Variants in UGT2B7 observed in about 807,000 individuals in gnomAD.
The protein encoded by UGT2B7 is UDP-glucuronosyltransferase 2B7.
UGT2B7 carries 51 observed loss-of-function variants against 51.9 expected under a neutral mutation model. That is an observed-to-expected ratio of 0.98 (90% confidence interval 0.78 to 1.24). The LOEUF is 1.24. Among genes scored for constraint, UGT2B7 ranks in the 50% most tolerant of loss-of-function variants. The pLI is 0.00. For synonymous variants in UGT2B7, 225 were observed against 211.6 expected (o/e 1.06, Z -0.55); for missense variants, 727 against 628.4 (o/e 1.16, Z -1.68).
intron 2 of UGT2B7, among the ~76,000 whole-genome samples, chr4:69,091,394 T>G (rs13119508): frequency 1.0e-4 from 15 of 145,502 alleles, no homozygotes; most frequent in African/African-American, 3.7e-4. Flanking sequence ...ACTTTAAAGA[T>G]TTTGTTTTTT....
chr4:69,108,537 T>C (rs1445205338), intron 5 of UGT2B7, among the ~76,000 whole-genome samples: 1 of 152,080 alleles, frequency 6.6e-6, no homozygotes, highest in Non-Finnish European at 1.5e-5. Context: ...AACAATTTTC[T>C]ACACAAAAAT....
intron 1 of UGT2B7, among the ~76,000 whole-genome samples, chr4:69,078,006 CA>C (rs1287330366): frequency 6.6e-6 from 1 of 152,090 alleles, no homozygotes; most frequent in Non-Finnish European, 1.5e-5. Flanking sequence ...TGAATTTTGT[CA>C]ATGGCCCTTT....
upstream of UGT2B7, among the ~76,000 whole-genome samples, chr4:69,093,280 T>C (rs1719129392): frequency 6.6e-6 from 1 of 152,206 alleles, no homozygotes; most frequent in Non-Finnish European, 1.5e-5. Flanking sequence ...TCCTTCCTTC[T>C]GTGGTCGATT....
At chr4:69,068,890 A>G (rs1296244429) in intron 1 of UGT2B7, among the ~76,000 whole-genome samples, 9 of 152,096 alleles carry the variant, frequency 5.9e-5, no homozygotes, top group Non-Finnish European at 1.0e-4. Context: ...ACAATGCCTC[A>G]AAGTAAAATA....
At chr4:69,094,369 C>G (rs1195301317), upstream of UGT2B7, among the ~76,000 whole-genome samples, 1 of 30,412 alleles carries the variant, frequency 3.3e-5, no homozygotes, top group Non-Finnish European at 5.0e-5. Flanking sequence ...AGGATGGTCT[C>G]GATCTCCTGA....
chr4:69,078,035 A>G (rs1718753279), intron 1 of UGT2B7, among the ~76,000 whole-genome samples: 2 of 151,968 alleles, frequency 1.3e-5, no homozygotes, highest in Admixed American at 6.6e-5. Flanking sequence ...TATTGAGACA[A>G]TCATGTTTTT....
At chr4:69,106,477 A>G (rs762130028) in intron 3 of UGT2B7, among the ~76,000 whole-genome samples, 1 of 152,128 alleles carries the variant, frequency 6.6e-6, no homozygotes, top group Non-Finnish European at 1.5e-5. Context: ...TATATGTACC[A>G]TATTTTCTCT....
At chr4:69,082,774 A>G (rs930014405) in intron 1 of UGT2B7, among the ~76,000 whole-genome samples, 3 of 152,160 alleles carry the variant, frequency 2.0e-5, no homozygotes, top group African/African-American at 7.2e-5. Flanking sequence ...AAGATCATTG[A>G]TGATGGTGAT....
At chr4:69,060,435 G>A (rs890849553) in intron 1 of UGT2B7, among the ~76,000 whole-genome samples, 8 of 152,150 alleles carry the variant, frequency 5.3e-5, no homozygotes, top group African/African-American at 1.9e-4. Flanking sequence ...GCCACAAAGA[G>A]GGGAAAAAGG....
intron 1 of UGT2B7, among the ~76,000 whole-genome samples, chr4:69,062,530 T>A (rs1718370689): frequency 6.6e-6 from 1 of 152,164 alleles, no homozygotes; most frequent in Non-Finnish European, 1.5e-5. Flanking sequence ...TCTTGTCCAC[T>A]CCCACTGTTG....
At chr4:69,051,415 TGTGGA>T (rs1169127916) in exon 1 of UGT2B7, 1 of 152,228 alleles carries the variant, frequency 6.6e-6, no homozygotes, top group African/African-American at 2.4e-5. Context: ...AAGCCTGCCT[TGTGGA>T]GTGCCCCTGT....
At chr4:69,074,152 A>G (rs1243459989) in intron 1 of UGT2B7, among the ~76,000 whole-genome samples, 1 of 152,030 alleles carries the variant, frequency 6.6e-6, no homozygotes, top group African/African-American at 2.4e-5. Context: ...ATAAGCCTGG[A>G]TAACATAATG....
At chr4:69,109,786 T>A (rs1473176870) in intron 5 of UGT2B7, among the ~76,000 whole-genome samples, 1 of 152,080 alleles carries the variant, frequency 6.6e-6, no homozygotes, top group Non-Finnish European at 1.5e-5. Context: ...AAATTCCTTG[T>A]GGAGTCCAGC....
chr4:69,107,792 C>T (rs931589938), intron 4 of UGT2B7, among the ~76,000 whole-genome samples: 2 of 152,078 alleles, frequency 1.3e-5, no homozygotes, highest in Non-Finnish European at 2.9e-5. Flanking sequence ...TGTGACTGCA[C>T]TTAAAATAAG....
chr4:69,081,809 A>G (rs1472883219), intron 1 of UGT2B7, among the ~76,000 whole-genome samples: 1 of 152,086 alleles, frequency 6.6e-6, no homozygotes, highest in East Asian at 1.9e-4. Context: ...ACACATCATA[A>G]TATTCTTCAG....
intron 1 of UGT2B7, among the ~76,000 whole-genome samples, chr4:69,078,005 TC>T (rs1025429330): frequency 1.3e-5 from 2 of 152,224 alleles, no homozygotes; most frequent in African/African-American, 4.8e-5. Context: ...TTGAATTTTG[TC>T]AATGGCCCTT....
chr4:69,068,237 A>G (rs1473258761), intron 1 of UGT2B7, among the ~76,000 whole-genome samples: 1 of 151,968 alleles, frequency 6.6e-6, no homozygotes, highest in Admixed American at 6.6e-5. Context: ...AGATTTTTAC[A>G]CTACATTTTG....
rs1418900831 is a variant in UGT2B7 at position 69,111,470 on chromosome 4, A to T, written c.1311-987A>T. Among the ~76,000 whole-genome samples, 6 of 152,186 alleles carry T rather than the reference A, an allele frequency of 3.9e-5. No individual in the cohort carries two copies. In the East Asian group the frequency reaches 1.2e-3, roughly 29 times the overall value. ...ATTACTTTTTCGGAACTTAGAGATGATAATTCTCATATTGCATTTTCACGA... is the reference window on the plus strand; with the variant it reads ...ATTACTTTTTCGGAACTTAGAGATGTTAATTCTCATATTGCATTTTCACGA... On this transcript the variant is annotated intron_variant, in intron 5 of 5. Transcript: ENST00000305231.
chr4:69,069,336 TC>T (rs1718549818), intron 1 of UGT2B7, among the ~76,000 whole-genome samples: 1 of 152,044 alleles, frequency 6.6e-6, no homozygotes. Flanking sequence ...AATTTTTTTT[TC>T]CCTGGATAAT....
Sources: allele counts gnomAD v4.1 joint callset (sites outside exome capture counted in the v4.1 genomes callset), GRCh38; gene constraint gnomAD v4.1.1; transcripts MANE v1.5; gene names NCBI Gene and HGNC (gene_info 2026-07-23, HGNC 2026-07-21).